KDM4C: variants seen among roughly 807,000 people sequenced by gnomAD.
KDM4C encodes the protein lysine demethylase 4C.
Under a neutral mutation model 129.3 loss-of-function variants are expected in KDM4C, and 81 were observed. The ratio of observed to expected loss-of-function variants is 0.63; its 90% CI spans 0.52 to 0.75. The LOEUF (loss-of-function observed/expected upper bound fraction) is 0.75. Among genes scored for constraint, KDM4C ranks in the 30% least tolerant of loss-of-function variants. The pLI, the probability that KDM4C is intolerant of heterozygous loss-of-function variation, is 0.00. For synonymous variants in KDM4C, 573 were observed against 456.1 expected (o/e 1.26, Z -3.26); for missense variants, 1,457 against 1,304.0 (o/e 1.12, Z -1.81).
chr9:6,949,737 CAGGCTG>C (rs1040625607), intron 8 of KDM4C, among the ~76,000 whole-genome samples: 9 of 152,230 alleles, frequency 5.9e-5, no homozygotes, highest in African/African-American at 2.2e-4. Flanking sequence ...AGGCACTCAG[CAGGCTG>C]AGGCAGGAGA....
At position 6,986,338 on chromosome 9, in the gene KDM4C, C is replaced by T. The variant is rs1010351253; in HGVS notation, c.1355-6C>T. On this transcript the variant is annotated splice_polypyrimidine_tract_variant and splice_region_variant and intron_variant, in intron 10 of 21. Transcript: ENST00000381309. ...ATTTATTAACAGTCTTCTGTTTTAT[C>T]CTCAGGAAACAGCTGCTTAAGTACA... is the stretch of plus-strand genomic sequence containing the variant. 9 of 1,594,126 alleles carry T rather than the reference C, an allele frequency of 5.6e-6. No homozygotes were observed. In the African/African-American group the frequency reaches 6.7e-5, roughly 12 times the overall value.
At chr9:6,991,037 C>T (rs1449830912) in intron 12 of KDM4C, among the ~76,000 whole-genome samples, 1 of 152,092 alleles carries the variant, frequency 6.6e-6, no homozygotes, top group African/African-American at 2.4e-5. Flanking sequence ...GTTTCATTTA[C>T]AATCATTTAC....
At chr9:6,954,823 G>A (rs185812619) in intron 8 of KDM4C, among the ~76,000 whole-genome samples, 121 of 152,318 alleles carry the variant, frequency 7.9e-4, no homozygotes, top group African/African-American at 2.7e-3. Flanking sequence ...ATGGGTTTTA[G>A]TATTTGGCAA....
At chr9:6,991,591 C>G (rs1818757459) in intron 12 of KDM4C, among the ~76,000 whole-genome samples, 1 of 152,042 alleles carries the variant, frequency 6.6e-6, no homozygotes, top group African/African-American at 2.4e-5. Flanking sequence ...AAATTATTAC[C>G]TAAGGTCATG....
intron 8 of KDM4C, among the ~76,000 whole-genome samples, chr9:6,939,644 T>A (rs1429777891): frequency 2.0e-5 from 3 of 152,190 alleles, no homozygotes. Context: ...TTATGGTTAC[T>A]TAGAGCTATC....
intron 1 of KDM4C, among the ~76,000 whole-genome samples, chr9:6,775,141 C>G (rs930447038): frequency 6.6e-6 from 1 of 152,014 alleles, no homozygotes; most frequent in Non-Finnish European, 1.5e-5. Flanking sequence ...CTCAGCCTCC[C>G]GAGTAGCTGG....
chr9:7,016,226 C>T (rs969305804), intron 15 of KDM4C, among the ~76,000 whole-genome samples: 2 of 151,676 alleles, frequency 1.3e-5, no homozygotes, highest in East Asian at 1.9e-4. Flanking sequence ...CTTCCAGGTT[C>T]ACACCATTCT....
chr9:7,077,057 G>C (rs887693874), intron 17 of KDM4C: 2 of 985,370 alleles, frequency 2.0e-6, no homozygotes, highest in African/African-American at 3.5e-5. Flanking sequence ...CGTATTTTGA[G>C]TTTAGGTGAA....
intron 5 of KDM4C, among the ~76,000 whole-genome samples, chr9:6,871,028 C>T (rs987453995): frequency 1.3e-5 from 2 of 152,148 alleles, no homozygotes; most frequent in South Asian, 2.1e-4. Flanking sequence ...CTGTGACAGA[C>T]GTCTGGGCAG....
intron 4 of KDM4C, among the ~76,000 whole-genome samples, chr9:6,848,221 A>C (rs1838199990): frequency 6.6e-6 from 1 of 152,204 alleles, no homozygotes; most frequent in Non-Finnish European, 1.5e-5. Flanking sequence ...GTGCATTAGC[A>C]CGAAAAGGTT....
chr9:7,146,972 A>G (rs980407523), intron 19 of KDM4C, among the ~76,000 whole-genome samples: 2 of 152,190 alleles, frequency 1.3e-5, no homozygotes, highest in African/African-American at 2.4e-5. Context: ...TCTCCTCCCT[A>G]TCCTCTAGGT....
intron 8 of KDM4C, among the ~76,000 whole-genome samples, chr9:6,901,360 A>G (rs776075833): frequency 2.6e-5 from 4 of 152,182 alleles, no homozygotes; most frequent in Non-Finnish European, 5.9e-5. Flanking sequence ...TTATCTCAAA[A>G]GGGCTCTTAC....
At chr9:6,907,386 T>G (rs1360644427) in intron 8 of KDM4C, among the ~76,000 whole-genome samples, 1 of 152,204 alleles carries the variant, frequency 6.6e-6, no homozygotes, top group Non-Finnish European at 1.5e-5. Flanking sequence ...TATTTATTTT[T>G]TTTGCAAGTC....
chr9:6,825,246 A>G (rs1210207992), intron 4 of KDM4C, among the ~76,000 whole-genome samples: 3 of 152,116 alleles, frequency 2.0e-5, no homozygotes, highest in Admixed American at 6.5e-5. Context: ...GGAAAACTCT[A>G]TACTCATGAG....
rs529055826 is a variant in KDM4C at position 6,954,943 on chromosome 9, C to G, written c.922-25982C>G. ...GAATCCGATACTAATTATTTTGCTT[C>G]AGTCTCTAGTACTGCAGGAGGCATC... On this transcript the variant is annotated intron_variant, in intron 8 of 21. Coordinates refer to ENST00000381309, the MANE Select transcript of KDM4C (RefSeq NM_015061.6). 9.3e-4 allele frequency among the ~76,000 whole-genome samples: 141 copies of G among 152,338 alleles called. 1 individual carries two copies. Among genetic ancestry groups the G allele is most frequent in the African/African-American group, 3.2e-3 (135 of 41,574 alleles).
At chr9:6,926,890 C>G (rs752210214) in intron 8 of KDM4C, among the ~76,000 whole-genome samples, 48 of 152,166 alleles carry the variant, frequency 3.2e-4, no homozygotes, top group Non-Finnish European at 3.7e-4. Context: ...TGCTTATTTT[C>G]TTATTCATAA....
chr9:7,060,693 G>T (rs1163547518), intron 17 of KDM4C, among the ~76,000 whole-genome samples: 1 of 152,018 alleles, frequency 6.6e-6, no homozygotes, highest in Non-Finnish European at 1.5e-5. Context: ...TGTTGGCCAG[G>T]ATGGTCTCAA....
intron 8 of KDM4C, among the ~76,000 whole-genome samples, chr9:6,895,095 C>G (rs1038966330): frequency 6.6e-6 from 1 of 152,128 alleles, no homozygotes; most frequent in African/African-American, 2.4e-5. Flanking sequence ...AGTGTTATGG[C>G]CACCCCTTAC....
intron 4 of KDM4C, among the ~76,000 whole-genome samples, chr9:6,842,146 T>G (rs1837048437): frequency 6.6e-6 from 1 of 152,162 alleles, no homozygotes; most frequent in African/African-American, 2.4e-5. Flanking sequence ...ATATGATTCA[T>G]TTTAAAGCAG....
Sources: allele counts gnomAD v4.1 joint callset (sites outside exome capture counted in the v4.1 genomes callset), GRCh38; gene constraint gnomAD v4.1.1; transcripts MANE v1.5; gene names NCBI Gene and HGNC (gene_info 2026-07-23, HGNC 2026-07-21).